Variants in AKNAD1 observed in about 807,000 individuals in gnomAD.
AKNAD1 encodes the protein protein AKNAD1.
In AKNAD1, 67 loss-of-function variants were observed where a neutral mutation model predicts 90.8. The observed-to-expected ratio is 0.74, with a 90% CI of 0.61 to 0.90. The LOEUF (loss-of-function observed/expected upper bound fraction) is 0.90, where lower values mean the gene tolerates loss of function less well. Among genes scored for constraint, AKNAD1 ranks in the 40% least tolerant of loss-of-function variants. AKNAD1 has a pLI of 0.00. For synonymous variants in AKNAD1, 327 were observed against 341.4 expected (o/e 0.96, Z 0.46); for missense variants, 957 against 975.4 (o/e 0.98, Z 0.25).
chr1:108,819,556 G>A (rs1389796460), intron 14 of AKNAD1, among the ~76,000 whole-genome samples: 1 of 151,876 alleles, frequency 6.6e-6, no homozygotes, highest in Non-Finnish European at 1.5e-5. Context: ...GGAGGTCAAG[G>A]CTGCAGTGAG....
rs116407922 is a variant in AKNAD1 at position 108,832,505 on chromosome 1, G to A, written c.1747-1855C>T. ...CTACCAAAGTGCTGGGATTACAGGC[G>A]CGAGCCACTGCACCCGGCCAGTATG... On this transcript the variant is annotated intron_variant, in intron 9 of 15. Transcript: ENST00000370001. Among the ~76,000 whole-genome samples, 1,115 of 152,164 alleles carry A rather than the reference G, an allele frequency of 7.3e-3. 3 individuals carry two copies. The highest frequency in any genetic ancestry group is 0.013 in the African/African-American group (526 of 41,546).
chr1:108,836,042 T>C (rs578088431), intron 7 of AKNAD1, among the ~76,000 whole-genome samples: 14 of 152,226 alleles, frequency 9.2e-5, no homozygotes, highest in Non-Finnish European at 1.6e-4. Context: ...TAGCAATACA[T>C]ACTGCTGAGT....
At chr1:108,847,534 C>A (rs1198087638) in intron 5 of AKNAD1, among the ~76,000 whole-genome samples, 1 of 152,112 alleles carries the variant, frequency 6.6e-6, no homozygotes, top group Non-Finnish European at 1.5e-5. Flanking sequence ...TGAAGTACCC[C>A]TGTCCACCTC....
intron 6 of AKNAD1, 48 bp from the exon 7 acceptor site, chr1:108,837,754 A>G (rs1320367556): frequency 8.9e-6 from 14 of 1,580,478 alleles, no homozygotes; most frequent in Non-Finnish European, 1.2e-5. Context: ...TGTGGTTGGC[A>G]TTCTAATTAA....
Position 108,834,919 on chromosome 1 carries a change from TAG to T in AKNAD1, c.1664+8_1664+9del. ...CCTGTGTCTGCTGGGGCTCCAGGGC[TAG>T]GACTCACGTCTGCGGGGCCAGCTCA... is the stretch of plus-strand genomic sequence containing the variant. On this transcript the variant is annotated splice_region_variant and intron_variant, in intron 8 of 15. Transcript: ENST00000370001. 1 of 1,527,148 alleles carries T rather than the reference TAG, an allele frequency of 6.5e-7. No homozygotes were observed. The highest frequency in any genetic ancestry group is 2.5e-5 in the East Asian group (1 of 40,138). The allele number at this position is 1,527,148 out of a possible 1,614,324, so 94.6% of individuals were successfully genotyped here.
chr1:108,827,266 G>T lies in AKNAD1; in HGVS notation c.1875C>A (p.Ile625=). Residue 625 remains isoleucine, a synonymous_variant, in exon 11 of 16, where the codon ATC becomes ATA. Transcript: ENST00000370001. ...GGACAATTGAAAATCTTCCACAGTT[G>T]ATCCTTCCGTGGCCCTTTTTCTCCA... ...QNVEKKGHGR[I]NCGRFSIVLH... 1 of 1,611,756 alleles carries T rather than the reference G, an allele frequency of 6.2e-7. No individual in the cohort carries two copies. Among genetic ancestry groups the T allele is most frequent in the Non-Finnish European group, 8.5e-7 (1 of 1,179,392 alleles).
At chr1:108,847,592 G>T (rs1171233896) in intron 5 of AKNAD1, among the ~76,000 whole-genome samples, 1 of 148,140 alleles carries the variant, frequency 6.8e-6, no homozygotes, top group Non-Finnish European at 1.5e-5. Context: ...CCCAAGTGCT[G>T]TATGGTAAAT....
chr1:108,831,784 C>G (rs1196229089), intron 9 of AKNAD1, among the ~76,000 whole-genome samples: 5 of 151,790 alleles, frequency 3.3e-5, no homozygotes, highest in Non-Finnish European at 7.4e-5. Flanking sequence ...CCACCACTAC[C>G]CCCAGCTAAT....
In AKNAD1 at chr1:108,852,202, A is replaced by G; in HGVS notation, c.463T>C (p.Tyr155His). 3 of 1,613,520 alleles carry G rather than the reference A, an allele frequency of 1.9e-6. No individual in the cohort carries two copies. The highest frequency in any genetic ancestry group is 2.5e-6 in the Non-Finnish European group (3 of 1,179,756). Residue 155 changes from tyrosine to histidine, a missense_variant, in exon 2 of 16, where the codon TAT becomes CAT. Transcript: ENST00000370001. ...TCTTTTGGCCAAGAATTCTTATTAT[A>G]ACATGAAATAATACTTTTAATAATA... Reference protein sequence around the residue: ...EAIIKSIISCYNKNSWPKEQT... With the variant: ...EAIIKSIISCHNKNSWPKEQT...
chr1:108,838,105 T>C (rs1664438218), intron 6 of AKNAD1, among the ~76,000 whole-genome samples: 4 of 152,188 alleles, frequency 2.6e-5, no homozygotes, highest in Admixed American at 2.6e-4. Flanking sequence ...TCTGAATAAT[T>C]TAATTAACAA....
chr1:108,833,849 C>T (rs918974480), intron 9 of AKNAD1, among the ~76,000 whole-genome samples: 1 of 151,766 alleles, frequency 6.6e-6, no homozygotes, highest in African/African-American at 2.4e-5. Context: ...GTTGGAGACC[C>T]GGGCATCACC....
intron 10 of AKNAD1, among the ~76,000 whole-genome samples, chr1:108,827,988 A>T (rs1193378598): frequency 6.6e-6 from 1 of 151,556 alleles, no homozygotes; most frequent in Non-Finnish European, 1.5e-5. Context: ...ATGGTGGCTC[A>T]TGCCTGTAAT....
chr1:108,853,257 G>A (rs1452065613), intron 1 of AKNAD1, among the ~76,000 whole-genome samples: 11 of 150,808 alleles, frequency 7.3e-5, no homozygotes, highest in East Asian at 3.9e-4. Context: ...TCAGCCTCCC[G>A]AGCAGCCGGG....
chr1:108,851,200 C>T (rs559179477), intron 2 of AKNAD1, among the ~76,000 whole-genome samples: 15 of 152,174 alleles, frequency 9.9e-5, no homozygotes, highest in Middle Eastern at 3.4e-3. Flanking sequence ...TCTGATGGAA[C>T]GACTAAACAA....
chr1:108,853,149 T>TTTTTTTTTTTAG (rs71306127), intron 1 of AKNAD1, among the ~76,000 whole-genome samples: 1 of 150,616 alleles, frequency 6.6e-6, no homozygotes, highest in Non-Finnish European at 1.5e-5. Flanking sequence ...TTTTTTTTTT[T>TTTTTTTTTTTAG]GAGACGGAGT....
chr1:108,849,601 C>A (rs763088620), intron 2 of AKNAD1, 25 bp from the exon 3 acceptor site: 1 of 1,549,212 alleles, frequency 6.5e-7, no homozygotes, highest in Non-Finnish European at 8.9e-7. Context: ...GGTAAGAAAA[C>A]GTTACTGTCG....
chr1:108,849,478 C>CA, intron 3 of AKNAD1, 59 bp downstream of exon 3: 2 of 1,161,536 alleles, frequency 1.7e-6, no homozygotes, highest in Non-Finnish European at 2.6e-6. Context: ...GACCCTGTCT[C>CA]AAAAAGACAA....
Position 108,849,557 on chromosome 1 carries a change from A to G in AKNAD1, c.1013T>C (p.Ile338Thr), listed in dbSNP as rs768092007. The change falls in exon 3 of 16, where the codon ATC becomes ACC. Residue 338 changes from isoleucine (I) to threonine (T), a missense_variant. Transcript: ENST00000370001. ...QQIQMEPIVHIHQELLTGIES... is the reference protein window; with the variant it reads ...QQIQMEPIVHTHQELLTGIES... ...AGTACCTGTGAGAAGTTCTTGGTGG[A>G]TATGTACTATGGGCTCCATCTGCAC... 1 of 1,596,114 alleles carries G rather than the reference A, an allele frequency of 6.3e-7. No individual in the cohort carries two copies. Among genetic ancestry groups the G allele is most frequent in the Admixed American group, 1.7e-5 (1 of 59,966 alleles).
At chr1:108,816,924 T>C in intron 15 of AKNAD1, 124 bp downstream of exon 15, 1 of 1,157,972 alleles carries the variant, frequency 8.6e-7, no homozygotes, top group Non-Finnish European at 1.2e-6. Context: ...AGCACAAAAT[T>C]GTCTTTAGCA....
Sources: gnomAD v4.1 joint callset for allele counts (sites outside exome capture counted in the v4.1 genomes callset) on GRCh38, gnomAD v4.1.1 for gene constraint, MANE v1.5 for transcripts, NCBI Gene and HGNC (gene_info 2026-07-23, HGNC 2026-07-21) for gene names.